Variants in PTPRM observed in about 807,000 individuals in gnomAD.
PTPRM encodes protein tyrosine phosphatase receptor type M.
PTPRM carries 47 observed loss-of-function variants against 186.7 expected under a neutral mutation model. That is an observed-to-expected ratio of 0.25 (90% CI 0.20 to 0.32). The LOEUF is 0.32. PTPRM is among the 10% of genes least tolerant of loss of function. The probability of loss-of-function intolerance (pLI) is 1.00; values close to 1 mark genes in which losing one functional copy is unlikely to be tolerated. For missense variants in PTPRM, 1,494 were observed against 1,865.0 expected (o/e 0.80, Z 3.66); for synonymous variants, 668 against 674.9 (o/e 0.99, Z 0.16).
chr18:7,862,796 T>C (rs1165467328), intron 2 of PTPRM, among the ~76,000 whole-genome samples: 1 of 152,176 alleles, frequency 6.6e-6, no homozygotes, highest in Non-Finnish European at 1.5e-5. Flanking sequence ...GATTCTTCTC[T>C]GATTAATACA....
At chr18:7,615,918 G>A (rs1237480729) in intron 1 of PTPRM, among the ~76,000 whole-genome samples, 1 of 152,138 alleles carries the variant, frequency 6.6e-6, no homozygotes, top group Non-Finnish European at 1.5e-5. Context: ...TTCTCATTAG[G>A]AGCGTGCAAC....
At chr18:8,306,954 G>A (rs144636753) in intron 20 of PTPRM, among the ~76,000 whole-genome samples, 197 of 152,268 alleles carry the variant, frequency 1.3e-3, no homozygotes, top group African/African-American at 4.5e-3. Context: ...TTTGTAATTG[G>A]CATCTGATTC....
intron 1 of PTPRM, among the ~76,000 whole-genome samples, chr18:7,624,229 C>G (rs1394351985): frequency 1.3e-5 from 2 of 152,204 alleles, no homozygotes; most frequent in African/African-American, 4.8e-5. Flanking sequence ...AACTGCTCTT[C>G]CATGTTCTTT....
At chr18:7,601,996 T>A (rs981575979) in intron 1 of PTPRM, among the ~76,000 whole-genome samples, 1 of 152,218 alleles carries the variant, frequency 6.6e-6, no homozygotes, top group Admixed American at 6.5e-5. Context: ...CACACACAAA[T>A]GCTTACACTG....
chr18:7,920,525 A>C (rs192215869), intron 4 of PTPRM, among the ~76,000 whole-genome samples: 1 of 152,202 alleles, frequency 6.6e-6, no homozygotes, highest in African/African-American at 2.4e-5. Flanking sequence ...ATGTTGTTTC[A>C]GTTTGCGTGT....
chr18:7,732,574 A>G (rs2040683228), intron 1 of PTPRM, among the ~76,000 whole-genome samples: 1 of 152,132 alleles, frequency 6.6e-6, no homozygotes, highest in Non-Finnish European at 1.5e-5. Flanking sequence ...TGACATGATC[A>G]TAGCTCACTG....
intron 2 of PTPRM, among the ~76,000 whole-genome samples, chr18:7,820,775 TTC>T (rs2045144548): frequency 6.6e-6 from 1 of 152,196 alleles, no homozygotes; most frequent in Non-Finnish European, 1.5e-5. Flanking sequence ...TCTCTTTGGC[TTC>T]TCTCATGGCA....
intron 3 of PTPRM, among the ~76,000 whole-genome samples, chr18:7,900,168 T>C (rs1216820312): frequency 6.6e-6 from 1 of 152,246 alleles, no homozygotes; most frequent in Non-Finnish European, 1.5e-5. Context: ...GTCCAAACGC[T>C]GTCTGTGGCA....
chr18:8,247,773 G>A, intron 15 of PTPRM, 72 bp from the exon 16 acceptor site: 1 of 1,108,796 alleles, frequency 9.0e-7, no homozygotes, highest in Non-Finnish European at 1.4e-6. Context: ...ACCATGGGTG[G>A]TCTCAGAGCA....
chr18:8,251,920 C>A, intron 17 of PTPRM: 1 of 152,428 alleles, frequency 6.6e-6, no homozygotes, highest in Non-Finnish European at 1.5e-5. Flanking sequence ...GTGACTTTAG[C>A]ATTATATTTT....
chr18:7,780,190 A>G (rs1394306067), intron 2 of PTPRM, among the ~76,000 whole-genome samples: 1 of 152,234 alleles, frequency 6.6e-6, no homozygotes, highest in Non-Finnish European at 1.5e-5. Flanking sequence ...TATAAATGAC[A>G]CTAAGCAGTC....
chr18:7,935,240 T>A (rs971685051), intron 5 of PTPRM, among the ~76,000 whole-genome samples: 5 of 152,214 alleles, frequency 3.3e-5, no homozygotes, highest in Non-Finnish European at 5.9e-5. Context: ...TGTCTTTAGT[T>A]GCTATGGGAA....
At chr18:7,926,163 A>G (rs1165411342) in intron 4 of PTPRM, among the ~76,000 whole-genome samples, 1 of 152,194 alleles carries the variant, frequency 6.6e-6, no homozygotes, top group Non-Finnish European at 1.5e-5. Flanking sequence ...AACATCATTT[A>G]ACTTCTTACT....
At chr18:7,573,068 C>CA (rs1417579953) in intron 1 of PTPRM, among the ~76,000 whole-genome samples, 1 of 152,128 alleles carries the variant, frequency 6.6e-6, no homozygotes, top group Non-Finnish European at 1.5e-5. Context: ...GTAGTGCCCC[C>CA]ATCATTGGTG....
Position 8,011,546 on chromosome 18 carries a change from C to G in PTPRM, c.1132+56132C>G, listed in dbSNP as rs186540220. 3.8e-4 allele frequency among the ~76,000 whole-genome samples: 58 copies of G among 152,244 alleles called. No homozygotes were observed. The East Asian group carries it at 9.8e-3, about 26-fold the overall frequency. ...ATACTTATTCATTGCTCTGAGTCACCCTTTGCCCAAAGCAAACTGTTGTAG... is the reference window on the plus strand; with the variant it reads ...ATACTTATTCATTGCTCTGAGTCACGCTTTGCCCAAAGCAAACTGTTGTAG... On this transcript the variant is annotated intron_variant, in intron 7 of 32. Coordinates refer to ENST00000580170, the MANE Select transcript of PTPRM (RefSeq NM_001105244.2).
chr18:7,696,368 G>T (rs906621292), intron 1 of PTPRM, among the ~76,000 whole-genome samples: 1 of 152,036 alleles, frequency 6.6e-6, no homozygotes, highest in Non-Finnish European at 1.5e-5. Flanking sequence ...TTGAATTTTC[G>T]TAGAAACAGG....
intron 14 of PTPRM, among the ~76,000 whole-genome samples, chr18:8,240,362 G>A (rs1221044330): frequency 6.6e-6 from 1 of 150,572 alleles, no homozygotes; most frequent in African/African-American, 2.5e-5. Context: ...CGTGAACTCA[G>A]GAGGCAGAGC....
chr18:8,349,369 A>C (rs937638884), intron 23 of PTPRM, among the ~76,000 whole-genome samples: 1 of 152,246 alleles, frequency 6.6e-6, no homozygotes, highest in African/African-American at 2.4e-5. Flanking sequence ...TTTTATAGAC[A>C]TTGCTGACAG....
At chr18:7,608,245 G>T (rs915127515) in intron 1 of PTPRM, among the ~76,000 whole-genome samples, 2 of 152,236 alleles carry the variant, frequency 1.3e-5, no homozygotes, top group South Asian at 2.1e-4. Context: ...GAGATACAAA[G>T]AATACTTTTT....
Sources: gnomAD v4.1 joint callset for allele counts (sites outside exome capture counted in the v4.1 genomes callset) on GRCh38, gnomAD v4.1.1 for gene constraint, MANE v1.5 for transcripts, NCBI Gene and HGNC (gene_info 2026-07-23, HGNC 2026-07-21) for gene names.